Variants in ITGA5 observed in about 807,000 individuals in gnomAD.
ITGA5 encodes integrin subunit alpha 5, also known as integrin alpha-5.
In ITGA5, 55 loss-of-function variants were observed where a neutral mutation model predicts 146.3. That is an observed-to-expected ratio of 0.38 (90% confidence interval 0.30 to 0.47). The LOEUF (loss-of-function observed/expected upper bound fraction) is 0.47. Ranked by LOEUF, ITGA5 falls within the 20% of genes least tolerant of loss-of-function variation. The probability of loss-of-function intolerance (pLI) is 0.99; values close to 1 mark genes in which losing one functional copy is unlikely to be tolerated. For synonymous variants in ITGA5, 500 were observed against 531.8 expected, an observed-to-expected ratio of 0.94 and a Z score of 0.82; for missense variants, 1,131 against 1,329.0, an observed-to-expected ratio of 0.85 and a Z score of 2.32.
chr12:54,396,137 C>A lies in ITGA5; in HGVS notation c.*156G>T, dbSNP rs1592281890. The A allele has an allele frequency of 4.9e-6, 3 of 616,148 alleles. No individual in the cohort carries two copies. Among genetic ancestry groups the A allele is most frequent in the Admixed American group, 2.9e-5 (1 of 34,738 alleles). The allele number at this position is 616,148 out of a possible 1,614,324, so 38.2% of individuals were successfully genotyped here. A position where few individuals can be genotyped will look rare whatever the true frequency, so the allele number is the denominator to read the frequency against. Reference sequence around the variant, plus strand: ...GGGAGGGATCCCCAGCTCCTCACCCCCCTGGCTCTGGCCCTTCAAGTATGT... The same window carrying A: ...GGGAGGGATCCCCAGCTCCTCACCCACCTGGCTCTGGCCCTTCAAGTATGT... On this transcript the variant is annotated 3_prime_UTR_variant, in exon 30 of 30. Coordinates refer to ENST00000293379, the MANE Select transcript of ITGA5 (RefSeq NM_002205.5).
rs1280082592 is a variant in ITGA5 at position 54,411,967 on chromosome 12, G to GT, written c.219-4dup. On this transcript the variant is annotated splice_region_variant and splice_polypyrimidine_tract_variant and intron_variant, in intron 1 of 29. Coordinates refer to ENST00000293379, the MANE Select transcript of ITGA5 (RefSeq NM_002205.5). The stretch of plus-strand genomic sequence containing the variant: ...GTGCTCCCACCAGCACACTGACCCT[G>GT]TGGGGGGGAAAAGCGAGGCAGTTGA... 2.5e-6 allele frequency: 4 copies of GT among 1,578,778 alleles called. No individual in the cohort carries two copies. The highest frequency in any genetic ancestry group is 2.7e-5 in the African/African-American group (2 of 73,182).
chr12:54,403,075 G>A lies in ITGA5; in HGVS notation c.1915-25C>T, dbSNP rs1212878433. 1.9e-6 allele frequency: 3 copies of A among 1,613,868 alleles called. No homozygotes were observed. Among genetic ancestry groups the A allele is most frequent in the Admixed American group, 3.3e-5 (2 of 60,014 alleles). The stretch of plus-strand genomic sequence containing the variant: ...CCTGGGGAGCAGGGCAGCCTTGAGA[G>A]GGGAAGTTTAGACCCATTCCTGGGC... On this transcript the variant is annotated intron_variant, in intron 18 of 29. Coordinates refer to ENST00000293379, the MANE Select transcript of ITGA5 (RefSeq NM_002205.5). The surrounding 1 kb of genome is among the most constrained non-coding windows in gnomAD (Gnocchi z 4.9).
intron 28 of ITGA5, 129 bp from the exon 29 acceptor site, chr12:54,397,616 G>T: frequency 2.7e-6 from 3 of 1,098,944 alleles, no homozygotes; most frequent in Non-Finnish European, 3.9e-6. Context: ...GGGAGGGCCT[G>T]TGTCTGGCCA....
rs1027177092 is a variant in ITGA5, at chr12:54,395,407, C to A, written c.*886G>T. ...CATCAGTGCAGCTGGCAGGCAGAACCCAAATTCTGCAGGCCCAGGACAGTG... is the reference window on the plus strand; with the variant it reads ...CATCAGTGCAGCTGGCAGGCAGAACACAAATTCTGCAGGCCCAGGACAGTG... On this transcript the variant is annotated 3_prime_UTR_variant, in exon 30 of 30. Coordinates refer to ENST00000293379, the MANE Select transcript of ITGA5 (RefSeq NM_002205.5). 16 of 152,702 alleles carry A rather than the reference C, an allele frequency of 1.0e-4. No individual in the cohort carries two copies. Among genetic ancestry groups the A allele is most frequent in the African/African-American group, 3.1e-4 (13 of 41,452 alleles). The allele number at this position is 152,702 out of a possible 1,614,324, so 9.5% of individuals were successfully genotyped here.
At chr12:54,410,860 G>A (rs1437525267) in intron 2 of ITGA5, among the ~76,000 whole-genome samples, 2 of 152,102 alleles carry the variant, frequency 1.3e-5, no homozygotes, top group African/African-American at 4.8e-5. Context: ...CCAAGTAGCT[G>A]GGATTACAGG....
intron 6 of ITGA5, 38 bp downstream of exon 6, chr12:54,408,709 CAAAAAAAAA>C (rs762766669): frequency 1.0e-5 from 12 of 1,196,300 alleles, no homozygotes; most frequent in African/African-American, 2.7e-5. Flanking sequence ...GACTTCGTCT[CAAAAAAAAA>C]AAAAAAAAAA....
Position 54,402,291 on chromosome 12 carries a change from C to T in ITGA5, c.2022G>A (p.Leu674=), listed in dbSNP as rs558158306. 3 of 1,614,092 alleles carry T rather than the reference C, an allele frequency of 1.9e-6. No individual in the cohort carries two copies. The highest frequency in any genetic ancestry group is 1.6e-4 in the Middle Eastern group (1 of 6,062). Residue 674 remains leucine, a synonymous_variant, in exon 20 of 30, where the codon CTG becomes CTA. Coordinates refer to ENST00000293379, the MANE Select transcript of ITGA5 (RefSeq NM_002205.5). The stretch of plus-strand genomic sequence containing the variant: ...CATTCTGGGCATGGAAAGTGAGGTT[C>T]AGGGCATTCTTGTCACCCAGGTACA... ...NHVYLGDKNA[L]NLTFHAQNVG...
Position 54,401,532 on chromosome 12 carries a change from C to G in ITGA5, c.2387+53G>C. The G allele has an allele frequency of 6.2e-7, 1 of 1,607,276 alleles. No individual in the cohort carries two copies. Among genetic ancestry groups the G allele is most frequent in the Non-Finnish European group, 8.5e-7 (1 of 1,173,818 alleles). The stretch of plus-strand genomic sequence containing the variant: ...TGGAAGGAACCCCATATGCATCCTT[C>G]CCTAGAAGTCTGTGTCCCCTCTCAG... On this transcript the variant is annotated intron_variant, in intron 23 of 29. Transcript: ENST00000293379. The surrounding 1 kb of genome is among the most constrained non-coding windows in gnomAD (Gnocchi z 5.0).
chr12:54,404,644 G>C, intron 13 of ITGA5, 59 bp downstream of exon 13: 5 of 1,524,880 alleles, frequency 3.3e-6, no homozygotes, highest in Non-Finnish European at 4.5e-6. Context: ...GCAGAAGAGA[G>C]AGTAGGGGTC....
chr12:54,418,338 C>A (rs931985104), intron 1 of ITGA5, among the ~76,000 whole-genome samples: 4 of 151,802 alleles, frequency 2.6e-5, no homozygotes, highest in African/African-American at 9.7e-5. Context: ...CTCGCCTGAA[C>A]AGAGATTGGG....
rs17111853 is a variant in ITGA5, at chr12:54,403,214, A to G, written c.1887T>C (p.Tyr629=). The G allele has an allele frequency of 0.016, 24,466 of 1,561,650 alleles. 613 individuals carry two copies. The highest frequency in any genetic ancestry group is 0.076 in the South Asian group (6,303 of 82,710). Residue 629 remains tyrosine (Y), a synonymous_variant, in exon 18 of 30, where the codon TAT becomes TAC. Coordinates refer to ENST00000293379, the MANE Select transcript of ITGA5 (RefSeq NM_002205.5). This position sits in a 1 kb window ranked among gnomAD's most constrained non-coding sequence, Gnocchi z 4.9. ...DSHGLRPALH[Y]QSKSRIEDKA... is the part of the protein sequence containing the mutation. ...TGTCCTCTATCCGGCTCTTGCTCTG[A>G]TAATGTAGGGCTGGCCTGAGGCCGT...
chr12:54,410,552 AT>A (rs576869414), intron 2 of ITGA5, among the ~76,000 whole-genome samples: 564 of 139,180 alleles, frequency 4.1e-3, no homozygotes, highest in Middle Eastern at 0.015. Flanking sequence ...GTTTATTTTA[AT>A]TTTTTTTTTT....
At chr12:54,402,864 G>A (rs1460968281) in intron 19 of ITGA5, 119 bp downstream of exon 19, 1 of 745,520 alleles carries the variant, frequency 1.3e-6, no homozygotes, top group African/African-American at 1.7e-5. Context: ...AGACAAAGGA[G>A]TTAAAGCTCA....
chr12:54,400,952 T>G lies in ITGA5; in HGVS notation c.2537A>C (p.Glu846Ala), dbSNP rs1471358868. Residue 846 changes from glutamate to alanine, a missense_variant, in exon 25 of 30, where the codon GAA becomes GCA. By Grantham distance (107) the Glu-to-Ala change is moderately radical. Transcript: ENST00000293379. ...GPSSISQGVL[E>A]LSCPQALEGQ... Reference sequence around the variant, plus strand: ...TTCCAGAGCCTGGGGACAGCTGAGTTCCAGCACACCCTGGCTAATGGAGCT... The same window carrying G: ...TTCCAGAGCCTGGGGACAGCTGAGTGCCAGCACACCCTGGCTAATGGAGCT... 1 of 1,613,862 alleles carries G rather than the reference T, an allele frequency of 6.2e-7. No individual in the cohort carries two copies. Among genetic ancestry groups the G allele is most frequent in the African/African-American group, 1.3e-5 (1 of 74,894 alleles).
intron 10 of ITGA5, 39 bp downstream of exon 10, chr12:54,405,831 C>CA: frequency 6.2e-7 from 1 of 1,608,062 alleles, no homozygotes; most frequent in Non-Finnish European, 8.5e-7. Context: ...GCTTCGTTGA[C>CA]AGAGGCCAAG....
At position 54,405,938 on chromosome 12, in the gene ITGA5, A is replaced by C; in HGVS notation, c.907-12T>G. 1 of 1,612,262 alleles carries C rather than the reference A, an allele frequency of 6.2e-7. No homozygotes were observed. The highest frequency in any genetic ancestry group is 1.1e-5 in the South Asian group (1 of 91,050). ...TTAAGGATGGTGACCTGGGAGATGAAGAGATAGGCCCATTGGTCCTGGACT... is the reference window on the plus strand; with the variant it reads ...TTAAGGATGGTGACCTGGGAGATGACGAGATAGGCCCATTGGTCCTGGACT... On this transcript the variant is annotated splice_polypyrimidine_tract_variant and intron_variant, in intron 9 of 29. Coordinates refer to ENST00000293379, the MANE Select transcript of ITGA5 (RefSeq NM_002205.5).
At chr12:54,400,625 G>A in intron 25 of ITGA5, 4 of 512,176 alleles carry the variant, frequency 7.8e-6, no homozygotes, top group Non-Finnish European at 1.0e-5. Flanking sequence ...GGGGTATGCC[G>A]GGAAACAAAG....
chr12:54,403,018 G>A lies in ITGA5; in HGVS notation c.1947C>T (p.Asn649=), dbSNP rs373003291. 8.1e-6 allele frequency: 13 copies of A among 1,614,012 alleles called. No individual in the cohort carries two copies. In the African/African-American group the frequency reaches 1.7e-4, roughly 22 times the overall value. ...AQILLDCGED[N]ICVPDLQLEV... is the part of the protein sequence containing the mutation. ...CCAGCTGCAGGTCAGGCACACAGAT[G>A]TTGTCTTCTCCACAGTCCAGCAAGA... is the stretch of plus-strand genomic sequence containing the variant. The change falls in exon 19 of 30, where the codon AAC becomes AAT. Residue 649 remains asparagine (N), a synonymous_variant. Transcript: ENST00000293379. This position sits in a 1 kb window ranked among gnomAD's most constrained non-coding sequence, Gnocchi z 4.9.
At chr12:54,396,482 C>T (rs746160271) in intron 29 of ITGA5, 106 bp from the exon 30 acceptor site, 59 of 876,126 alleles carry the variant, frequency 6.7e-5, no homozygotes, top group Non-Finnish European at 9.6e-5. Context: ...CCAACCTCTA[C>T]ATCCTGCAAA....
Sources: allele counts gnomAD v4.1 joint callset (sites outside exome capture counted in the v4.1 genomes callset), GRCh38; gene constraint gnomAD v4.1.1; non-coding constraint Gnocchi (gnomAD v3.1); transcripts MANE v1.5; gene names NCBI Gene and HGNC (gene_info 2026-07-23, HGNC 2026-07-21).